The following RANBP17 variants were observed in gnomAD, a reference collection of about 807,000 sequenced individuals.
RANBP17 encodes the protein ran-binding protein 17.
RANBP17 carries 158 observed loss-of-function variants against 141.2 expected under a neutral mutation model. That is an observed-to-expected ratio of 1.12 (90% CI 0.98 to 1.28). RANBP17 has a LOEUF of 1.28. RANBP17 is among the 50% of genes most tolerant of loss of function. RANBP17 has a pLI of 0.00. For missense variants in RANBP17, 1,438 were observed against 1,290.7 expected (o/e 1.11, Z -1.75); for synonymous variants, 430 against 450.0 (o/e 0.96, Z 0.56).
At chr5:171,012,515 A>T (rs1780127710) in intron 14 of RANBP17, among the ~76,000 whole-genome samples, 1 of 152,130 alleles carries the variant, frequency 6.6e-6, no homozygotes, top group African/African-American at 2.4e-5. Flanking sequence ...TGAGAAAACT[A>T]ATTTTGATCA....
intron 22 of RANBP17, among the ~76,000 whole-genome samples, chr5:171,239,885 A>G (rs1462036310): frequency 6.6e-6 from 1 of 152,116 alleles, no homozygotes; most frequent in Admixed American, 6.6e-5. Context: ...TACTCTTACC[A>G]CCTCTAACCA....
At chr5:171,229,880 A>G (rs1009369994) in intron 22 of RANBP17, among the ~76,000 whole-genome samples, 8 of 151,470 alleles carry the variant, frequency 5.3e-5, no homozygotes, top group African/African-American at 1.9e-4. Context: ...AGCCTGACCA[A>G]CATGGAGAAA....
intron 4 of RANBP17, among the ~76,000 whole-genome samples, chr5:170,894,950 TGGACG>T (rs1176484382): frequency 6.6e-6 from 1 of 152,196 alleles, no homozygotes; most frequent in Admixed American, 6.5e-5. Flanking sequence ...TATTTTGTCA[TGGACG>T]AGTAACAAAC....
At chr5:171,083,893 C>G (rs989577829) in intron 14 of RANBP17, among the ~76,000 whole-genome samples, 1 of 152,070 alleles carries the variant, frequency 6.6e-6, no homozygotes, top group Non-Finnish European at 1.5e-5. Flanking sequence ...TAAGGCCTCC[C>G]CAGCCACTTG....
At chr5:171,012,721 C>T (rs531325162) in intron 14 of RANBP17, among the ~76,000 whole-genome samples, 2 of 152,056 alleles carry the variant, frequency 1.3e-5, no homozygotes, top group East Asian at 1.9e-4. Context: ...TTTCAGTTAC[C>T]TCATAATTTT....
At chr5:170,908,657 GAA>G (rs78393696) in intron 5 of RANBP17, among the ~76,000 whole-genome samples, 2 of 135,794 alleles carry the variant, frequency 1.5e-5, no homozygotes, top group Non-Finnish European at 3.2e-5. Flanking sequence ...TGAAAGTTGG[GAA>G]AAAAAAAAAA....
rs749592949 is a variant in RANBP17, at chr5:171,294,021, G to C, written c.3042+40G>C. On this transcript the variant is annotated intron_variant, in intron 26 of 27. Transcript: ENST00000523189. The stretch of plus-strand genomic sequence containing the variant: ...AGGAAGTCACGGGAGGTGGTCCCTG[G>C]GAGAAGAGAGCAGCTATAAGCTAGG... The C allele has an allele frequency of 5.0e-6, 7 of 1,413,164 alleles. No homozygotes were observed. The South Asian group carries it at 8.0e-5, about 16-fold the overall frequency. 87.5% of individuals were successfully genotyped at this position (1,413,164 alleles called of 1,614,324 possible).
intron 24 of RANBP17, chr5:171,252,501 G>A (rs1765638125): frequency 2.1e-6 from 3 of 1,442,842 alleles, no homozygotes; most frequent in Non-Finnish European, 1.9e-6. Flanking sequence ...GTGAGTACAA[G>A]TATTACTGTG....
chr5:171,077,265 G>A (rs1303853964), intron 14 of RANBP17, among the ~76,000 whole-genome samples: 7 of 152,102 alleles, frequency 4.6e-5, no homozygotes, highest in Non-Finnish European at 8.8e-5. Context: ...GCGTGAACCC[G>A]GTAGGCCGAG....
chr5:171,108,158 T>C lies in RANBP17; in HGVS notation c.1711-61972T>C, dbSNP rs191163174. Among the ~76,000 whole-genome samples the C allele has an allele frequency of 9.8e-5, 15 of 152,378 alleles. No homozygotes were observed. The East Asian group carries it at 2.3e-3, about 23-fold the overall frequency. ...ATGTCATAACAAATAATTTTGTTTTTTGCTTTTGGAAAGAGATTATTTGCC... is the reference window on the plus strand; with the variant it reads ...ATGTCATAACAAATAATTTTGTTTTCTGCTTTTGGAAAGAGATTATTTGCC... On this transcript the variant is annotated intron_variant, in intron 14 of 27. Transcript: ENST00000523189.
At chr5:171,278,380 G>A (rs1767661553) in intron 25 of RANBP17, among the ~76,000 whole-genome samples, 1 of 152,110 alleles carries the variant, frequency 6.6e-6, no homozygotes, top group African/African-American at 2.4e-5. Flanking sequence ...TTAGCTGGGT[G>A]TGATGGGGCA....
chr5:171,289,931 G>A (rs1376127515), intron 25 of RANBP17, among the ~76,000 whole-genome samples: 1 of 152,194 alleles, frequency 6.6e-6, no homozygotes, highest in African/African-American at 2.4e-5. Context: ...TTGGGAGGCT[G>A]AGAGAGTAGG....
rs1347520048 is a variant in RANBP17, at chr5:171,042,853, C to T, written c.1710+74476C>T. ...CCTACTCTTAAATTTGTGCTTTGTACAGAGGGAGTATATATTACAGACACT... is the reference window on the plus strand; with the variant it reads ...CCTACTCTTAAATTTGTGCTTTGTATAGAGGGAGTATATATTACAGACACT... On this transcript the variant is annotated intron_variant, in intron 14 of 27. Coordinates refer to ENST00000523189, the MANE Select transcript of RANBP17 (RefSeq NM_022897.5). 1.3e-5 allele frequency among the ~76,000 whole-genome samples: 2 copies of T among 152,016 alleles called. 1 individual carries two copies. The highest frequency in any genetic ancestry group is 4.1e-4 in the South Asian group (2 of 4,828).
chr5:171,088,065 G>T (rs1284687950), intron 14 of RANBP17, among the ~76,000 whole-genome samples: 2 of 151,714 alleles, frequency 1.3e-5, no homozygotes, highest in Admixed American at 1.3e-4. Context: ...AGTCTCGATG[G>T]TCTTGACATT....
At chr5:171,035,383 T>C (rs1029298362) in intron 14 of RANBP17, among the ~76,000 whole-genome samples, 6 of 152,156 alleles carry the variant, frequency 3.9e-5, no homozygotes, top group Non-Finnish European at 8.8e-5. Flanking sequence ...AGTCTTTCTG[T>C]GTAGTTAGGT....
At chr5:171,087,148 A>G (rs1419214703) in intron 14 of RANBP17, among the ~76,000 whole-genome samples, 2 of 147,208 alleles carry the variant, frequency 1.4e-5, no homozygotes, top group Admixed American at 6.8e-5. Flanking sequence ...CGTCCCAGAG[A>G]TTCTGGTATG....
intron 13 of RANBP17, among the ~76,000 whole-genome samples, chr5:170,956,083 T>C: frequency 6.6e-6 from 1 of 151,756 alleles, no homozygotes; most frequent in Non-Finnish European, 1.5e-5. Context: ...TTTTAATATA[T>C]CTTGATATTT....
At chr5:171,267,578 G>A (rs988801663) in intron 25 of RANBP17, among the ~76,000 whole-genome samples, 1 of 152,138 alleles carries the variant, frequency 6.6e-6, no homozygotes, top group South Asian at 2.1e-4. Flanking sequence ...GGAGGCCAAG[G>A]CAGGTGGATC....
intron 18 of RANBP17, among the ~76,000 whole-genome samples, chr5:171,187,366 A>G (rs1403036143): frequency 6.6e-6 from 1 of 152,152 alleles, no homozygotes; most frequent in Non-Finnish European, 1.5e-5. Flanking sequence ...CAGAAACACG[A>G]AGTAGGTTCA....
Sources: allele counts gnomAD v4.1 joint callset (sites outside exome capture counted in the v4.1 genomes callset), GRCh38; gene constraint gnomAD v4.1.1; transcripts MANE v1.5; gene names NCBI Gene and HGNC (gene_info 2026-07-23, HGNC 2026-07-21).